RELCH: variants seen among roughly 807,000 people sequenced by gnomAD.
The protein encoded by RELCH is RAB11-binding protein RELCH.
In RELCH, 41 loss-of-function variants were observed where a neutral mutation model predicts 150.3. The observed-to-expected ratio is 0.27, with a 90% CI of 0.21 to 0.35. The LOEUF (loss-of-function observed/expected upper bound fraction) is 0.35. Among genes scored for constraint, RELCH ranks in the 10% least tolerant of loss-of-function variants. The probability of loss-of-function intolerance (pLI) is 1.00; values close to 1 mark genes in which losing one functional copy is unlikely to be tolerated. For missense variants in RELCH, 1,092 were observed against 1,467.8 expected (o/e 0.74, Z 4.18); for synonymous variants, 478 against 531.8 (o/e 0.90, Z 1.39).
rs2041290242 is a variant in RELCH, at chr18:62,227,506, A to G, written c.1062+14A>G. The G allele has an allele frequency of 6.2e-7, 1 of 1,606,266 alleles. No individual in the cohort carries two copies. On this transcript the variant is annotated intron_variant, in intron 6 of 28. Coordinates refer to ENST00000644646, the MANE Select transcript of RELCH (RefSeq NM_001346231.2). ...CAGCCTGCAGAGGTGAGAGATAGCA[A>G]CTAATTAGTCAAGTCCACAGAAAGT...
chr18:62,224,990 A>C (rs899454278), intron 5 of RELCH, among the ~76,000 whole-genome samples: 6 of 152,124 alleles, frequency 3.9e-5, no homozygotes, highest in Non-Finnish European at 7.4e-5. Context: ...TAAAGATATT[A>C]TTTGTCATAT....
intron 25 of RELCH, among the ~76,000 whole-genome samples, chr18:62,283,894 A>T (rs1209292142): frequency 6.6e-6 from 1 of 152,140 alleles, no homozygotes; most frequent in Non-Finnish European, 1.5e-5. Context: ...GTCAAGTTAA[A>T]TGGGTATTTG....
At chr18:62,264,281 G>T (rs187903029) in intron 17 of RELCH, 136 bp downstream of exon 17, 13 of 639,920 alleles carry the variant, frequency 2.0e-5, no homozygotes, top group African/African-American at 5.9e-5. Flanking sequence ...GGACACAGAG[G>T]ATTCACACCA....
At chr18:62,264,938 T>A in intron 18 of RELCH, 86 bp downstream of exon 18, 1 of 1,087,414 alleles carries the variant, frequency 9.2e-7, no homozygotes. Context: ...AATAAAAGCA[T>A]GAACCATTCT....
intron 10 of RELCH, among the ~76,000 whole-genome samples, chr18:62,242,408 A>G (rs2042193244): frequency 6.6e-6 from 1 of 152,196 alleles, no homozygotes; most frequent in African/African-American, 2.4e-5. Context: ...GCTGTGTTGA[A>G]ACGGCTTTTT....
chr18:62,222,735 T>C (rs74944662), intron 5 of RELCH, among the ~76,000 whole-genome samples: 13,151 of 152,010 alleles, frequency 0.087, 655 homozygotes, highest in Middle Eastern at 0.17. Flanking sequence ...AATTACAATT[T>C]TATAAAAATG....
At chr18:62,302,489 G>A (rs1015728998) in intron 28 of RELCH, among the ~76,000 whole-genome samples, 11 of 152,026 alleles carry the variant, frequency 7.2e-5, no homozygotes, top group Admixed American at 3.3e-4. Context: ...CCAGAATGGT[G>A]TTAGAAATCA....
chr18:62,192,632 T>G (rs1380108125), intron 1 of RELCH, among the ~76,000 whole-genome samples: 1 of 152,232 alleles, frequency 6.6e-6, no homozygotes, highest in Admixed American at 6.5e-5. Flanking sequence ...CAGCATTTTA[T>G]TAAATAAGGA....
rs540962767 is a variant in RELCH, at chr18:62,309,349, T to C, written c.*3815T>C. The C allele has an allele frequency of 3.3e-5, 5 of 152,294 alleles. No individual in the cohort carries two copies. Among genetic ancestry groups the C allele is most frequent in the African/African-American group, 1.2e-4 (5 of 41,580 alleles). 9.4% of individuals were successfully genotyped at this position (152,294 alleles called of 1,614,324 possible). On this transcript the variant is annotated 3_prime_UTR_variant, in exon 29 of 29. Coordinates refer to ENST00000644646, the MANE Select transcript of RELCH (RefSeq NM_001346231.2). ...AGACAATTTTCATACTGCGTAAGAATGTGTTCTGTATGCATTTTGTGTGTG... is the reference window on the plus strand; with the variant it reads ...AGACAATTTTCATACTGCGTAAGAACGTGTTCTGTATGCATTTTGTGTGTG...
At chr18:62,231,391 G>T in intron 9 of RELCH, 122 bp downstream of exon 9, 1 of 590,760 alleles carries the variant, frequency 1.7e-6, no homozygotes, top group Non-Finnish European at 2.9e-6. Flanking sequence ...AATCCATTAT[G>T]TAAAATAATG....
intron 22 of RELCH, among the ~76,000 whole-genome samples, chr18:62,276,773 C>CAAT (rs1368270155): frequency 1.3e-5 from 2 of 151,980 alleles, no homozygotes; most frequent in African/African-American, 2.4e-5. Context: ...CATGTTATTC[C>CAAT]CTCAGTTATC....
At chr18:62,292,466 T>C (rs74686158) in intron 27 of RELCH, among the ~76,000 whole-genome samples, 1,742 of 152,300 alleles carry the variant, frequency 0.011, 37 homozygotes, top group African/African-American at 0.04. Context: ...TTACTCTCCA[T>C]GAACAAGTTC....
rs17645999 is a variant in RELCH, at chr18:62,268,909, C to T, written c.2721C>T (p.Val907=). 0.21 allele frequency: 317,144 copies of T among 1,540,476 alleles called. 36,571 individuals carry two copies. Among genetic ancestry groups the T allele is most frequent in the Middle Eastern group, 0.24 (1,331 of 5,622 alleles). Residue 907 remains valine (V), a synonymous_variant, in exon 20 of 29, where the codon GTC becomes GTT. Coordinates refer to ENST00000644646, the MANE Select transcript of RELCH (RefSeq NM_001346231.2). ...AGNGVLTKAT[V]PIYATGVLTC... is the part of the protein sequence containing the mutation. Reference sequence around the variant, plus strand: ...ATGGGGTCCTCACTAAAGCTACAGTCCCCATTTATGCAACAGGAGTCCTTA... The same window carrying T: ...ATGGGGTCCTCACTAAAGCTACAGTTCCCATTTATGCAACAGGAGTCCTTA...
chr18:62,286,256 C>G (rs539359590), intron 25 of RELCH, among the ~76,000 whole-genome samples: 1 of 152,236 alleles, frequency 6.6e-6, no homozygotes, highest in Admixed American at 6.5e-5. Context: ...GTTGAGGCCT[C>G]AGCGTGCCAA....
intron 13 of RELCH, among the ~76,000 whole-genome samples, chr18:62,256,915 C>A (rs2144635681): frequency 6.6e-6 from 1 of 152,034 alleles, no homozygotes; most frequent in East Asian, 1.9e-4. Context: ...TGAGGCTGTA[C>A]CAAAAGATGT....
Position 62,227,455 on chromosome 18 carries a change from A to G in RELCH, c.1025A>G (p.Asn342Ser). Residue 342 changes from asparagine (N) to serine (S), a missense_variant, in exon 6 of 29, where the codon AAC becomes AGC. Physicochemically the swap from Asn to Ser is conservative, Grantham distance 46. Transcript: ENST00000644646. ...GAGGCCCTTACACCAATTATAAGCA[A>G]CCTTCCTCCAACTCTTGAAACTCCC... Reference protein sequence around the residue: ...ELEALTPIISNLPPTLETPQP... With the variant: ...ELEALTPIISSLPPTLETPQP... 1 of 1,613,286 alleles carries G rather than the reference A, an allele frequency of 6.2e-7. No homozygotes were observed. Among genetic ancestry groups the G allele is most frequent in the African/African-American group, 1.3e-5 (1 of 74,942 alleles).
At chr18:62,299,595 T>C (rs1284296796) in intron 28 of RELCH, among the ~76,000 whole-genome samples, 2 of 152,206 alleles carry the variant, frequency 1.3e-5, no homozygotes, top group East Asian at 1.9e-4. Flanking sequence ...CCTTACTTTA[T>C]AAAGCCTCTT....
chr18:62,244,461 A>T (rs751611627), intron 10 of RELCH, among the ~76,000 whole-genome samples: 4 of 152,230 alleles, frequency 2.6e-5, no homozygotes, highest in Non-Finnish European at 5.9e-5. Context: ...AGCATGTCAC[A>T]TGATGGAATG....
chr18:62,190,124 T>C (rs1442459114), intron 1 of RELCH, among the ~76,000 whole-genome samples: 1 of 152,190 alleles, frequency 6.6e-6, no homozygotes, highest in East Asian at 1.9e-4. Flanking sequence ...GCATGTGTTT[T>C]AAAAAACAAA....
Sources: allele counts gnomAD v4.1 joint callset (sites outside exome capture counted in the v4.1 genomes callset), GRCh38; gene constraint gnomAD v4.1.1; transcripts MANE v1.5; gene names NCBI Gene and HGNC (gene_info 2026-07-23, HGNC 2026-07-21).